ANKH: variants seen among roughly 807,000 people sequenced by gnomAD.
ANKH encodes the protein ANKH inorganic pyrophosphate transport regulator, also known as mineralization regulator ANKH.
Under a neutral mutation model 49.0 loss-of-function variants are expected in ANKH, and 15 were observed. The observed-to-expected ratio is 0.31, with a 90% CI of 0.20 to 0.47. The LOEUF (loss-of-function observed/expected upper bound fraction) is 0.47. Among genes scored for constraint, ANKH ranks in the 20% least tolerant of loss-of-function variants. ANKH has a pLI of 1.00. For synonymous variants in ANKH, 273 were observed against 260.0 expected, an observed-to-expected ratio of 1.05 and a Z score of -0.48; for missense variants, 429 against 652.0, an observed-to-expected ratio of 0.66 and a Z score of 3.72.
chr5:14,786,045 CAAAAAA>C (rs71603742), intron 1 of ANKH, among the ~76,000 whole-genome samples: 2 of 67,222 alleles, frequency 3.0e-5, no homozygotes, highest in East Asian at 5.0e-4. Flanking sequence ...GACTCTGTCT[CAAAAAA>C]AAAAAAAAAA....
chr5:14,856,562 G>A (rs1374884451), intron 1 of ANKH, among the ~76,000 whole-genome samples: 2 of 151,992 alleles, frequency 1.3e-5, no homozygotes, highest in Admixed American at 6.6e-5. Context: ...GATACTGGGA[G>A]AGCAGAGGAC....
chr5:14,769,381 T>A lies in ANKH; in HGVS notation c.97-190A>T, dbSNP rs183132390. On this transcript the variant is annotated intron_variant, in intron 1 of 11. Transcript: ENST00000284268. The stretch of plus-strand genomic sequence containing the variant: ...ATCTACATCAGCTTCAGTTTGAGTT[T>A]CTTTTTGTGAAGGAGATACCTGACC... 5.3e-5 allele frequency among the ~76,000 whole-genome samples: 8 copies of A among 152,362 alleles called. No homozygotes were observed. In the East Asian group the frequency reaches 7.7e-4, roughly 15 times the overall value.
intron 8 of ANKH, among the ~76,000 whole-genome samples, chr5:14,741,105 T>C (rs189060130): frequency 6.6e-6 from 1 of 152,372 alleles, no homozygotes; most frequent in Non-Finnish European, 1.5e-5. Flanking sequence ...TTTGCCACTG[T>C]TGATAAACGC....
chr5:14,828,995 G>C (rs552156048), intron 1 of ANKH, among the ~76,000 whole-genome samples: 3 of 152,166 alleles, frequency 2.0e-5, no homozygotes, highest in African/African-American at 7.2e-5. Flanking sequence ...GAACAGCCTG[G>C]CCAACATGGT....
rs535391921 is a variant in ANKH at position 14,751,288 on chromosome 5, G to A, written c.517-49C>T. The A allele has an allele frequency of 2.8e-5, 44 of 1,589,432 alleles. No individual in the cohort carries two copies. The East Asian group carries it at 3.4e-4, about 12-fold the overall frequency. On this transcript the variant is annotated intron_variant, in intron 4 of 11. Coordinates refer to ENST00000284268, the MANE Select transcript of ANKH (RefSeq NM_054027.6). ...AGGTCAGAGGGGAGAAGCGGGAACC[G>A]ACTGACAGAAGCACAGGGGCACGCT...
chr5:14,776,475 C>A (rs564532715), intron 1 of ANKH, among the ~76,000 whole-genome samples: 1 of 152,138 alleles, frequency 6.6e-6, no homozygotes, highest in East Asian at 1.9e-4. Flanking sequence ...AAAGAGTCCA[C>A]AATTTGGCCC....
At chr5:14,846,826 T>C (rs1741973755) in intron 1 of ANKH, among the ~76,000 whole-genome samples, 1 of 151,614 alleles carries the variant, frequency 6.6e-6, no homozygotes, top group Non-Finnish European at 1.5e-5. Context: ...ACTGCGTCTC[T>C]ACTAAAAACA....
intron 1 of ANKH, among the ~76,000 whole-genome samples, chr5:14,827,982 G>A (rs976410822): frequency 5.9e-5 from 9 of 152,304 alleles, no homozygotes; most frequent in Admixed American, 5.2e-4. Context: ...ATCATACCAC[G>A]TGGGCACCTG....
intron 6 of ANKH, among the ~76,000 whole-genome samples, chr5:14,748,104 G>A (rs1312299133): frequency 2.0e-5 from 3 of 152,026 alleles, no homozygotes; most frequent in Admixed American, 6.5e-5. Flanking sequence ...TTTTTTTAAA[G>A]GGGTGGATGG....
intron 6 of ANKH, 41 bp downstream of exon 6, chr5:14,749,131 C>A (rs963523429): frequency 1.9e-6 from 3 of 1,613,754 alleles, no homozygotes; most frequent in African/African-American, 1.3e-5. Flanking sequence ...CCTGCCCCAC[C>A]AAGGTGATCA....
rs1200080153 is a variant in ANKH at position 14,705,618 on chromosome 5, C to T, written c.*5579G>A. 2.0e-5 allele frequency: 3 copies of T among 152,470 alleles called. No homozygotes were observed. The East Asian group carries it at 5.8e-4, about 29-fold the overall frequency. 9.4% of individuals were successfully genotyped at this position (152,470 alleles called of 1,614,324 possible). A position where few individuals can be genotyped will look rare whatever the true frequency, so the allele number is the denominator to read the frequency against. Reference sequence around the variant, plus strand: ...ACTCCTTGGCCCTACTAGCTTTAGACAGTTCCCTGATCAGTACATCATTAA... The same window carrying T: ...ACTCCTTGGCCCTACTAGCTTTAGATAGTTCCCTGATCAGTACATCATTAA... On this transcript the variant is annotated 3_prime_UTR_variant, in exon 12 of 12. Coordinates refer to ENST00000284268, the MANE Select transcript of ANKH (RefSeq NM_054027.6).
intron 1 of ANKH, among the ~76,000 whole-genome samples, chr5:14,840,613 T>C (rs1008216778): frequency 6.6e-6 from 1 of 152,164 alleles, no homozygotes; most frequent in African/African-American, 2.4e-5. Context: ...CAAGCAAAAG[T>C]GGATGCTTAT....
chr5:14,722,683 G>C (rs980794832), intron 8 of ANKH, among the ~76,000 whole-genome samples: 1 of 152,202 alleles, frequency 6.6e-6, no homozygotes, highest in African/African-American at 2.4e-5. Context: ...CCTAGGGATA[G>C]AAATTTAAAA....
At chr5:14,744,834 G>A (rs755928870) in intron 7 of ANKH, among the ~76,000 whole-genome samples, 11 of 152,244 alleles carry the variant, frequency 7.2e-5, no homozygotes, top group Non-Finnish European at 4.4e-5. Context: ...TGGTGGCCAC[G>A]TGAAGGAAGG....
intron 1 of ANKH, chr5:14,798,068 A>C (rs1471651065): frequency 4.4e-6 from 7 of 1,584,774 alleles, no homozygotes; most frequent in Middle Eastern, 1.8e-4. Context: ...TTTTTCCACT[A>C]ACTGAACCAA....
At chr5:14,833,689 A>G (rs39636) in intron 1 of ANKH, among the ~76,000 whole-genome samples, 94,928 of 152,154 alleles carry the variant, frequency 0.62, 30,095 homozygotes, top group East Asian at 0.84. Context: ...TGGACTGGCC[A>G]ATGCTGGGCC....
intron 1 of ANKH, among the ~76,000 whole-genome samples, chr5:14,811,412 TACG>T (rs1192549516): frequency 6.6e-6 from 1 of 152,172 alleles, no homozygotes; most frequent in Non-Finnish European, 1.5e-5. Context: ...TGTGCAACTG[TACG>T]ACGTCAGTGG....
rs147532155 is a variant in ANKH at position 14,738,002 on chromosome 5, C to T, written c.1011+3825G>A. Among the ~76,000 whole-genome samples the T allele has an allele frequency of 1.1e-4, 16 of 152,246 alleles. No homozygotes were observed. In the East Asian group the frequency reaches 2.7e-3, roughly 26 times the overall value. ...GAAAGCAAGATGCTAACGGAAATGG[C>T]GAACATTTCCATTTTCCTACTCTAC... On this transcript the variant is annotated intron_variant, in intron 8 of 11. Transcript: ENST00000284268.
At chr5:14,851,024 T>C (rs964000514) in intron 1 of ANKH, among the ~76,000 whole-genome samples, 9 of 151,848 alleles carry the variant, frequency 5.9e-5, no homozygotes, top group Non-Finnish European at 1.3e-4. Context: ...AAAAGAGCAG[T>C]GTATATAAGA....
Sources: gnomAD v4.1 joint callset for allele counts (sites outside exome capture counted in the v4.1 genomes callset) on GRCh38, gnomAD v4.1.1 for gene constraint, MANE v1.5 for transcripts, NCBI Gene and HGNC (gene_info 2026-07-23, HGNC 2026-07-21) for gene names.